SEC31A: variants seen among roughly 807,000 people sequenced by gnomAD.
SEC31A encodes protein transport protein Sec31A.
SEC31A carries 70 observed loss-of-function variants against 151.0 expected under a neutral mutation model. The observed-to-expected ratio is 0.46, with a 90% CI of 0.38 to 0.57. The LOEUF is 0.57. SEC31A is among the 20% of genes least tolerant of loss of function. The pLI, the probability that SEC31A is intolerant of heterozygous loss-of-function variation, is 0.00. For synonymous variants in SEC31A, 475 were observed against 505.9 expected (o/e 0.94, Z 0.82); for missense variants, 1,330 against 1,471.2 (o/e 0.90, Z 1.57).
At chr4:82,864,285 G>A (rs994713020) in intron 11 of SEC31A, 77 bp downstream of exon 11, 2 of 984,294 alleles carry the variant, frequency 2.0e-6, no homozygotes, top group Non-Finnish European at 3.1e-6. Flanking sequence ...TCTTTAATAG[G>A]AGGACAGATT....
intron 22 of SEC31A, among the ~76,000 whole-genome samples, chr4:82,840,455 A>C (rs1047742497): frequency 6.6e-6 from 1 of 152,220 alleles, no homozygotes; most frequent in Non-Finnish European, 1.5e-5. Context: ...CTATTGATGT[A>C]TCTGTAGTGT....
At chr4:82,890,614 A>T in intron 1 of SEC31A, 1 of 387,872 alleles carries the variant, frequency 2.6e-6, no homozygotes, top group Non-Finnish European at 3.5e-6. Flanking sequence ...AAATAATCCT[A>T]GTTAAATGAC....
chr4:82,823,338 A>T (rs1723820511), intron 25 of SEC31A, among the ~76,000 whole-genome samples: 2 of 152,208 alleles, frequency 1.3e-5, no homozygotes, highest in African/African-American at 4.8e-5. Context: ...AGTGTGCATA[A>T]GGGCTAGCAT....
At chr4:82,839,959 A>C (rs149656186) in intron 22 of SEC31A, among the ~76,000 whole-genome samples, 3 of 151,908 alleles carry the variant, frequency 2.0e-5, no homozygotes, top group Admixed American at 6.6e-5. Flanking sequence ...TGCCTCAAAC[A>C]GTGTTGCTGG....
At chr4:82,880,778 A>G (rs1560663664) in intron 3 of SEC31A, 21 bp downstream of exon 3, 1 of 1,587,714 alleles carries the variant, frequency 6.3e-7, no homozygotes. Flanking sequence ...AATCACATGA[A>G]TTTAAAGCTG....
chr4:82,883,929 C>T (rs1219715693), intron 1 of SEC31A, among the ~76,000 whole-genome samples: 1 of 150,122 alleles, frequency 6.7e-6, no homozygotes, highest in Non-Finnish European at 1.5e-5. Context: ...AAACATATTT[C>T]CTTTTCTGTC....
chr4:82,845,181 A>G, intron 20 of SEC31A: 1 of 1,460,378 alleles, frequency 6.8e-7, no homozygotes, highest in Non-Finnish European at 9.3e-7. Flanking sequence ...CTGCTCAAAG[A>G]GGAATAATGA....
rs762802069 is a variant in SEC31A, at chr4:82,872,004, A to G, written c.722T>C (p.Ile241Thr). ...AGCAAATCGAAGATCCCACATCTGG[A>G]TCACTGGTAACCGGTCATCCTCGGA... ...LASEDDRLPVIQMWDLRFASS... is the reference protein window; with the variant it reads ...LASEDDRLPVTQMWDLRFASS... Residue 241 changes from isoleucine to threonine, a missense_variant, in exon 7 of 27, where the codon ATC (isoleucine) becomes ACC (threonine). By Grantham distance (89) the Ile-to-Thr change is moderately conservative (BLOSUM62 -1). Transcript: ENST00000395310. 1 of 1,614,156 alleles carries G rather than the reference A, an allele frequency of 6.2e-7. No homozygotes were observed. Among genetic ancestry groups the G allele is most frequent in the Non-Finnish European group, 8.5e-7 (1 of 1,179,998 alleles).
upstream of SEC31A, chr4:82,895,842 C>CT (rs1331761006): frequency 6.6e-5 from 10 of 152,186 alleles, no homozygotes; most frequent in Non-Finnish European, 1.3e-4. Flanking sequence ...TCATCATTTT[C>CT]TTTTTCTATT....
intron 1 of SEC31A, among the ~76,000 whole-genome samples, chr4:82,887,907 G>A (rs974247658): frequency 6.6e-6 from 1 of 151,850 alleles, no homozygotes; most frequent in African/African-American, 2.4e-5. Flanking sequence ...TTAGCCGGGC[G>A]CAGTGGCGGG....
chr4:82,852,307 G>A (rs911487769), intron 18 of SEC31A, among the ~76,000 whole-genome samples: 2 of 152,086 alleles, frequency 1.3e-5, no homozygotes, highest in Non-Finnish European at 2.9e-5. Flanking sequence ...TATGAAAATG[G>A]ACTAATACAA....
rs926533208 is a variant in SEC31A at position 82,875,671 on chromosome 4, AG to A, written c.498+55del. On this transcript the variant is annotated intron_variant, in intron 5 of 26. Coordinates refer to ENST00000395310, the MANE Select transcript of SEC31A (RefSeq NM_001077207.4). Reference sequence around the variant, plus strand: ...CCTTAAAAGTGAAATAAGTAGGTTTAGGAGAACTACTTTTGGCTTTTTTGAT... The same window carrying A: ...CCTTAAAAGTGAAATAAGTAGGTTTAGAGAACTACTTTTGGCTTTTTTGAT... 6.3e-6 allele frequency: 6 copies of A among 950,246 alleles called. No individual in the cohort carries two copies. The African/African-American group carries it at 8.2e-5, about 13-fold the overall frequency. 58.9% of individuals were successfully genotyped at this position (950,246 alleles called of 1,614,324 possible).
intron 25 of SEC31A, among the ~76,000 whole-genome samples, chr4:82,822,327 G>C (rs1040990244): frequency 6.6e-6 from 1 of 151,832 alleles, no homozygotes; most frequent in Non-Finnish European, 1.5e-5. Context: ...TTGGGAGTTG[G>C]GGGTAATAAA....
Position 82,837,158 on chromosome 4 carries a change from C to CATATATATAT in SEC31A, c.2968+4972_2968+4981dup, listed in dbSNP as rs138120291. Among the ~76,000 whole-genome samples the CATATATATAT allele has an allele frequency of 1.9e-3, 81 of 42,660 alleles. 4 individuals carry two copies. The highest frequency in any genetic ancestry group is 3.2e-3 in the African/African-American group (36 of 11,188). The allele number at this position is 42,660 out of a possible 152,430, so 28.0% of individuals were successfully genotyped here. A position where few individuals can be genotyped will look rare whatever the true frequency, so the allele number is the denominator to read the frequency against. On this transcript the variant is annotated intron_variant, in intron 22 of 26. Transcript: ENST00000395310. The stretch of plus-strand genomic sequence containing the variant: ...CAAACATGGTTAAAATAAATTTTAT[C>CATATATATAT]ATATATATATATATATATATATATA...
upstream of SEC31A, chr4:82,891,222 G>C: frequency 6.7e-7 from 1 of 1,498,732 alleles, no homozygotes; most frequent in Non-Finnish European, 9.0e-7. Context: ...CGCAGCCGCA[G>C]CCACGCCCTG....
At chr4:82,831,838 G>C (rs561445170) in intron 22 of SEC31A, among the ~76,000 whole-genome samples, 1 of 152,176 alleles carries the variant, frequency 6.6e-6, no homozygotes, top group South Asian at 2.1e-4. Flanking sequence ...AAAATACCTA[G>C]GAATACAACT....
At chr4:82,820,051 C>T (rs915579281) in intron 26 of SEC31A, among the ~76,000 whole-genome samples, 5 of 151,698 alleles carry the variant, frequency 3.3e-5, no homozygotes, top group African/African-American at 1.2e-4. Flanking sequence ...CGTGAGCCAC[C>T]ATGCCTGGCC....
intron 21 of SEC31A, among the ~76,000 whole-genome samples, chr4:82,843,136 T>G (rs1304804776): frequency 6.6e-6 from 1 of 151,720 alleles, no homozygotes; most frequent in African/African-American, 2.4e-5. Context: ...TGGGTTTTTT[T>G]TTTTTTTTCT....
chr4:82,879,181 T>G (rs1030332805), intron 3 of SEC31A, among the ~76,000 whole-genome samples: 3 of 152,122 alleles, frequency 2.0e-5, no homozygotes, highest in South Asian at 2.1e-4. Context: ...AAAATATACT[T>G]GAGTTGTGTG....
Sources: allele counts gnomAD v4.1 joint callset (sites outside exome capture counted in the v4.1 genomes callset), GRCh38; gene constraint gnomAD v4.1.1; transcripts MANE v1.5; gene names NCBI Gene and HGNC (gene_info 2026-07-23, HGNC 2026-07-21).